EIF2AK2: variants seen among roughly 807,000 people sequenced by gnomAD.
EIF2AK2 encodes the protein eukaryotic translation initiation factor 2 alpha kinase 2.
Under a neutral mutation model 70.5 loss-of-function variants are expected in EIF2AK2, and 40 were observed. The observed-to-expected ratio is 0.57, with a 90% CI of 0.44 to 0.74. EIF2AK2 has a LOEUF of 0.74. Among genes scored for constraint, EIF2AK2 ranks in the 30% least tolerant of loss-of-function variants. The pLI is 0.00. For synonymous variants in EIF2AK2, 198 were observed against 220.9 expected, an observed-to-expected ratio of 0.90 and a Z score of 0.92; for missense variants, 555 against 644.3, an observed-to-expected ratio of 0.86 and a Z score of 1.50.
intron 4 of EIF2AK2, among the ~76,000 whole-genome samples, chr2:37,142,486 TC>T (rs1477588079): frequency 4.6e-5 from 7 of 152,182 alleles, no homozygotes; most frequent in South Asian, 4.1e-4. Flanking sequence ...GTTTTATTGA[TC>T]TTTTTTTTTT....
chr2:37,150,784 A>G lies in EIF2AK2; in HGVS notation c.-183-1761T>C, dbSNP rs138853276. ...AGTGAAGTGTATGAAATCATGAAGGATTTAACTGTATGGATATAGATTTCT... is the reference window on the plus strand; with the variant it reads ...AGTGAAGTGTATGAAATCATGAAGGGTTTAACTGTATGGATATAGATTTCT... On this transcript the variant is annotated intron_variant, in intron 1 of 16. Coordinates refer to ENST00000233057, the MANE Select transcript of EIF2AK2 (RefSeq NM_001135651.3). Among the ~76,000 whole-genome samples, 3 of 152,360 alleles carry G rather than the reference A, an allele frequency of 2.0e-5. No homozygotes were observed. In the East Asian group the frequency reaches 5.8e-4, roughly 29 times the overall value.
chr2:37,156,452 G>A (rs1452195367), intron 1 of EIF2AK2, among the ~76,000 whole-genome samples: 4 of 152,112 alleles, frequency 2.6e-5, no homozygotes, highest in African/African-American at 9.7e-5. Context: ...CTGCGGCCAG[G>A]CAATTGGGAA....
intron 4 of EIF2AK2, among the ~76,000 whole-genome samples, chr2:37,142,781 A>C (rs1028406934): frequency 6.6e-6 from 1 of 152,194 alleles, no homozygotes; most frequent in Non-Finnish European, 1.5e-5. Flanking sequence ...TTCATGTTTC[A>C]TTTTATAAGC....
Position 37,105,216 on chromosome 2 carries a change from C to T in EIF2AK2, c.*2057G>A, listed in dbSNP as rs1265202275. The T allele has an allele frequency of 1.3e-5, 2 of 152,162 alleles. No homozygotes were observed. Among genetic ancestry groups the T allele is most frequent in the African/African-American group, 4.8e-5 (2 of 41,422 alleles). The allele number at this position is 152,162 out of a possible 1,614,324, so 9.4% of individuals were successfully genotyped here. ...GTTTTAGAATGGTAGCTGGTTGCTG[C>T]TATAGTTTGCATGTTTGTCCCCCAA... On this transcript the variant is annotated 3_prime_UTR_variant, in exon 17 of 17. Coordinates refer to ENST00000233057, the MANE Select transcript of EIF2AK2 (RefSeq NM_001135651.3).
intron 11 of EIF2AK2, among the ~76,000 whole-genome samples, chr2:37,124,640 G>A (rs1457736110): frequency 6.6e-6 from 1 of 152,002 alleles, no homozygotes; most frequent in Admixed American, 6.6e-5. Context: ...CTTTACTGCT[G>A]GATATTTTGT....
At chr2:37,113,294 G>C (rs1358856487) in intron 14 of EIF2AK2, among the ~76,000 whole-genome samples, 1 of 152,020 alleles carries the variant, frequency 6.6e-6, no homozygotes, top group Non-Finnish European at 1.5e-5. Context: ...TCAGGAGTTT[G>C]AGACCAGCCT....
intron 1 of EIF2AK2, among the ~76,000 whole-genome samples, chr2:37,153,794 T>C (rs188238879): frequency 9.8e-5 from 15 of 152,350 alleles, no homozygotes; most frequent in African/African-American, 3.4e-4. Flanking sequence ...TGAACACTGG[T>C]ATACATATAT....
intron 10 of EIF2AK2, among the ~76,000 whole-genome samples, chr2:37,130,656 T>C (rs540223523): frequency 5.3e-5 from 8 of 152,218 alleles, no homozygotes; most frequent in Non-Finnish European, 1.0e-4. Flanking sequence ...AAAACCTTTT[T>C]GCTTTTACTT....
intron 12 of EIF2AK2, among the ~76,000 whole-genome samples, chr2:37,120,661 A>C (rs920217370): frequency 6.7e-5 from 10 of 150,006 alleles, no homozygotes; most frequent in Admixed American, 5.4e-4. Context: ...TTGTTTAGCT[A>C]ATTTATAAAA....
chr2:37,132,888 G>T (rs1444206529), intron 10 of EIF2AK2, among the ~76,000 whole-genome samples: 3 of 152,096 alleles, frequency 2.0e-5, no homozygotes, highest in African/African-American at 7.2e-5. Context: ...TTTGGTTCTG[G>T]TTGATACCTT....
At chr2:37,123,508 T>C (rs1674627604) in intron 11 of EIF2AK2, among the ~76,000 whole-genome samples, 1 of 152,164 alleles carries the variant, frequency 6.6e-6, no homozygotes, top group Non-Finnish European at 1.5e-5. Context: ...GATCTAGCAA[T>C]CCACCTGCCT....
Position 37,114,863 on chromosome 2 carries a change from T to TA in EIF2AK2, c.1249-5_1249-4insT. On this transcript the variant is annotated splice_polypyrimidine_tract_variant and splice_region_variant and intron_variant, in intron 13 of 16. Coordinates refer to ENST00000233057, the MANE Select transcript of EIF2AK2 (RefSeq NM_001135651.3). ...CTACTAAGAATATATTACTTGGCTA[T>TA]GAAAAAAAAAAATTTAACTTACATG... The TA allele has an allele frequency of 6.5e-7, 1 of 1,542,626 alleles. No individual in the cohort carries two copies. Among genetic ancestry groups the TA allele is most frequent in the Non-Finnish European group, 8.7e-7 (1 of 1,146,060 alleles).
In EIF2AK2 at chr2:37,135,407, C is replaced by G. The variant is rs546067492; in HGVS notation, c.785+77G>C. On this transcript the variant is annotated intron_variant, in intron 10 of 16. Coordinates refer to ENST00000233057, the MANE Select transcript of EIF2AK2 (RefSeq NM_001135651.3). Reference sequence around the variant, plus strand: ...ATATTTTTAACTGACAGGATCATGGCCATTTCACAGACAACTACCAAAAAC... The same window carrying G: ...ATATTTTTAACTGACAGGATCATGGGCATTTCACAGACAACTACCAAAAAC... The G allele has an allele frequency of 4.9e-4, 569 of 1,163,302 alleles. 1 individual carries two copies. Among genetic ancestry groups the G allele is most frequent in the Non-Finnish European group, 5.4e-4 (429 of 800,718 alleles). 72.1% of individuals were successfully genotyped at this position (1,163,302 alleles called of 1,614,324 possible). A position where few individuals can be genotyped will look rare whatever the true frequency, so the allele number is the denominator to read the frequency against.
At chr2:37,134,096 C>T (rs560220504) in intron 10 of EIF2AK2, among the ~76,000 whole-genome samples, 1 of 152,280 alleles carries the variant, frequency 6.6e-6, no homozygotes, top group South Asian at 2.1e-4. Context: ...TCCTACACCC[C>T]TTCATGACCT....
Position 37,144,632 on chromosome 2 carries a change from G to A in EIF2AK2, c.240+2221C>T, listed in dbSNP as rs112717501. Among the ~76,000 whole-genome samples the A allele has an allele frequency of 2.9e-3, 446 of 151,510 alleles. 3 individuals carry two copies. Among genetic ancestry groups the A allele is most frequent in the African/African-American group, 0.01 (417 of 41,294 alleles). On this transcript the variant is annotated intron_variant, in intron 4 of 16. Transcript: ENST00000233057. ...AGGGTCTTGCTCTGTTGCCCAGGCT[G>A]GAGTGCAGTCAGAAGATCACAGCTC...
chr2:37,109,561 G>C, intron 14 of EIF2AK2: 1 of 349,974 alleles, frequency 2.9e-6, no homozygotes. Context: ...GTTTGATTGT[G>C]AGAGTGAGAT....
At chr2:37,152,581 G>A (rs1285119649) in intron 1 of EIF2AK2, among the ~76,000 whole-genome samples, 2 of 152,086 alleles carry the variant, frequency 1.3e-5, no homozygotes, top group Non-Finnish European at 2.9e-5. Context: ...ACGCCTGGCC[G>A]GGCCACTCTT....
At chr2:37,142,130 A>ATATTT (rs57239500) in intron 4 of EIF2AK2, among the ~76,000 whole-genome samples, 15,307 of 151,618 alleles carry the variant, frequency 0.1, 960 homozygotes, top group African/African-American at 0.18. Context: ...CAAAGTTTTG[A>ATATTT]TATTTTTTTA....
chr2:37,136,272 G>A (rs1376185002), intron 9 of EIF2AK2, among the ~76,000 whole-genome samples: 1 of 152,222 alleles, frequency 6.6e-6, no homozygotes, highest in African/African-American at 2.4e-5. Context: ...CCTGTTCAAA[G>A]TGAAGCAATC....
Sources: gnomAD v4.1 joint callset for allele counts (sites outside exome capture counted in the v4.1 genomes callset) on GRCh38, gnomAD v4.1.1 for gene constraint, MANE v1.5 for transcripts, NCBI Gene and HGNC (gene_info 2026-07-23, HGNC 2026-07-21) for gene names.